The following SDCCAG8 variants were observed in gnomAD, a reference collection of about 807,000 sequenced individuals.
SDCCAG8 encodes the protein serologically defined colon cancer antigen 8.
In SDCCAG8, 74 loss-of-function variants were observed where a neutral mutation model predicts 101.8. The observed-to-expected ratio is 0.73, with a 90% CI of 0.60 to 0.88. The LOEUF (loss-of-function observed/expected upper bound fraction) is 0.88, where lower values mean the gene tolerates loss of function less well. Among genes scored for constraint, SDCCAG8 ranks in the 40% least tolerant of loss-of-function variants. SDCCAG8 has a pLI of 0.00. For missense variants in SDCCAG8, 787 were observed against 822.6 expected, an observed-to-expected ratio of 0.96 and a Z score of 0.53; for synonymous variants, 281 against 292.9, an observed-to-expected ratio of 0.96 and a Z score of 0.41.
At chr1:243,373,763 A>G (rs568988182) in intron 12 of SDCCAG8, among the ~76,000 whole-genome samples, 1 of 152,224 alleles carries the variant, frequency 6.6e-6, no homozygotes, top group East Asian at 1.9e-4. Context: ...AAGGTATTCC[A>G]CTCTCAGTGG....
chr1:243,272,682 A>C (rs909809371), intron 3 of SDCCAG8, among the ~76,000 whole-genome samples: 1 of 152,228 alleles, frequency 6.6e-6, no homozygotes, highest in East Asian at 1.9e-4. Flanking sequence ...TACAGAGTGC[A>C]CTTTAAAATA....
intron 16 of SDCCAG8, among the ~76,000 whole-genome samples, chr1:243,478,611 T>G (rs2148216549): frequency 6.6e-6 from 1 of 152,284 alleles, no homozygotes; most frequent in Non-Finnish European, 1.5e-5. Flanking sequence ...GAAGAATTCC[T>G]TTATTGAAAC....
rs2074144152 is a variant in SDCCAG8, at chr1:243,326,278, G to A, written c.1069-4262G>A. ...AATTGTACATATTTATGGGTTACATGTGATATTCTGAAGATTAGTTTTTAA... is the reference window on the plus strand; with the variant it reads ...AATTGTACATATTTATGGGTTACATATGATATTCTGAAGATTAGTTTTTAA... On this transcript the variant is annotated intron_variant, in intron 9 of 17. Transcript: ENST00000366541. Among the ~76,000 whole-genome samples the A allele has an allele frequency of 2.6e-5, 4 of 152,208 alleles. No individual in the cohort carries two copies. In the South Asian group the frequency reaches 8.3e-4, roughly 32 times the overall value.
rs2080721977 is a variant in SDCCAG8 at position 243,417,993 on chromosome 1, C to G, written c.1770C>G (p.Thr590=). The change falls in exon 15 of 18, where the codon ACC becomes ACG. Residue 590 remains threonine (T), a synonymous_variant. Coordinates refer to ENST00000366541, the MANE Select transcript of SDCCAG8 (RefSeq NM_006642.5). ...KTENEQYLLL[T]SQNTFLTKLK... ...AAAATGAACAGTATTTGTTGCTGAC[C>G]TCCCAGAATACATTTTTGACAAAGT... The G allele has an allele frequency of 6.2e-7, 1 of 1,611,916 alleles. No individual in the cohort carries two copies. Among genetic ancestry groups the G allele is most frequent in the African/African-American group, 1.3e-5 (1 of 74,800 alleles).
At chr1:243,383,515 T>G (rs144281737) in intron 13 of SDCCAG8, among the ~76,000 whole-genome samples, 48 of 152,322 alleles carry the variant, frequency 3.2e-4, no homozygotes, top group African/African-American at 1.1e-3. Context: ...TGGATGATCT[T>G]TTGTTTAAGG....
Position 243,426,521 on chromosome 1 carries a change from G to A in SDCCAG8, c.1948G>A (p.Val650Ile). The change falls in exon 16 of 18, where the codon GTC (valine) becomes ATC (isoleucine). Residue 650 changes from valine (V) to isoleucine (I), a missense_variant. Physicochemically the swap from Val to Ile is conservative, Grantham distance 29 (BLOSUM62 3). Coordinates refer to ENST00000366541, the MANE Select transcript of SDCCAG8 (RefSeq NM_006642.5). ...AAATGAAGAATTGGAGGAACAGTGT[G>A]TCCAGCATGGGAGAGTACATGAGAC... The part of the protein sequence containing the change: ...RRNEELEEQC[V>I]QHGRVHETMK... The A allele has an allele frequency of 6.2e-7, 1 of 1,613,958 alleles. No individual in the cohort carries two copies. The highest frequency in any genetic ancestry group is 8.5e-7 in the Non-Finnish European group (1 of 1,179,910).
chr1:243,406,149 C>T (rs1379026762), intron 13 of SDCCAG8, among the ~76,000 whole-genome samples: 2 of 152,090 alleles, frequency 1.3e-5, no homozygotes, highest in Non-Finnish European at 2.9e-5. Flanking sequence ...TTAGTTTATA[C>T]AGACAAATTG....
intron 16 of SDCCAG8, among the ~76,000 whole-genome samples, chr1:243,433,659 T>C (rs914843031): frequency 2.0e-5 from 3 of 152,204 alleles, no homozygotes; most frequent in African/African-American, 7.2e-5. Flanking sequence ...AGGTCTGTTA[T>C]TGAGATTTGG....
intron 14 of SDCCAG8, 59 bp from the exon 15 acceptor site, chr1:243,417,909 C>A: frequency 8.3e-7 from 1 of 1,209,110 alleles, no homozygotes; most frequent in Non-Finnish European, 1.2e-6. Context: ...TGTATGGAAG[C>A]ACTGCAGAGC....
chr1:243,342,958 T>G (rs1332358774), intron 11 of SDCCAG8, among the ~76,000 whole-genome samples: 1 of 152,174 alleles, frequency 6.6e-6, no homozygotes, highest in African/African-American at 2.4e-5. Context: ...AGGTTCTGTT[T>G]TGTTTGTTTG....
At chr1:243,364,268 T>C (rs2076874984) in intron 12 of SDCCAG8, among the ~76,000 whole-genome samples, 1 of 152,176 alleles carries the variant, frequency 6.6e-6, no homozygotes, top group South Asian at 2.1e-4. Flanking sequence ...AGGAATTATT[T>C]TGTGTCACCA....
chr1:243,369,665 A>G (rs978028573), intron 12 of SDCCAG8, among the ~76,000 whole-genome samples: 4 of 152,132 alleles, frequency 2.6e-5, no homozygotes, highest in African/African-American at 9.7e-5. Flanking sequence ...GTAAGAAATG[A>G]AGGATACAAC....
intron 1 of SDCCAG8, 87 bp from the exon 2 acceptor site, chr1:243,270,018 C>T: frequency 1.9e-6 from 3 of 1,573,826 alleles, no homozygotes; most frequent in Non-Finnish European, 2.6e-6. Flanking sequence ...ATAATGATTT[C>T]ACCTTTAAAA....
intron 16 of SDCCAG8, among the ~76,000 whole-genome samples, chr1:243,438,603 A>G (rs956505963): frequency 1.3e-5 from 2 of 152,044 alleles, no homozygotes; most frequent in African/African-American, 4.8e-5. Context: ...ACCCCTCAGA[A>G]GTTAGACCTG....
At chr1:243,313,489 A>G (rs1235232427) in intron 8 of SDCCAG8, among the ~76,000 whole-genome samples, 1 of 152,178 alleles carries the variant, frequency 6.6e-6, no homozygotes, top group African/African-American at 2.4e-5. Flanking sequence ...GTGTAAGTAC[A>G]TGCTTTTCAC....
At chr1:243,320,904 A>G (rs1275066335) in intron 9 of SDCCAG8, among the ~76,000 whole-genome samples, 3 of 152,048 alleles carry the variant, frequency 2.0e-5, no homozygotes, top group Non-Finnish European at 4.4e-5. Flanking sequence ...AGCCTTACTT[A>G]TCTTAGCCTA....
At chr1:243,471,321 T>G (rs1386193436) in intron 16 of SDCCAG8, among the ~76,000 whole-genome samples, 2 of 152,204 alleles carry the variant, frequency 1.3e-5, no homozygotes, top group African/African-American at 2.4e-5. Context: ...CAATTGGCCC[T>G]CGGGCGGGTA....
At chr1:243,496,042 C>A (rs1444267350) in intron 17 of SDCCAG8, among the ~76,000 whole-genome samples, 1 of 152,200 alleles carries the variant, frequency 6.6e-6, no homozygotes, top group African/African-American at 2.4e-5. Flanking sequence ...AAAGGAAGTG[C>A]CTCATATTAC....
intron 8 of SDCCAG8, among the ~76,000 whole-genome samples, chr1:243,311,767 TA>T (rs11311919): frequency 0.28 from 42,143 of 148,392 alleles, 5,958 homozygotes; most frequent in South Asian, 0.47. Flanking sequence ...ATTTAAAAAT[TA>T]AAAAAAAAAA....
Sources: gnomAD v4.1 joint callset for allele counts (sites outside exome capture counted in the v4.1 genomes callset) on GRCh38, gnomAD v4.1.1 for gene constraint, MANE v1.5 for transcripts, NCBI Gene and HGNC (gene_info 2026-07-23, HGNC 2026-07-21) for gene names.